MMAB: variants seen among roughly 807,000 people sequenced by gnomAD.
The protein encoded by MMAB is corrinoid adenosyltransferase MMAB.
MMAB carries 17 observed loss-of-function variants against 30.6 expected under a neutral mutation model. The observed-to-expected ratio is 0.56, with a 90% confidence interval of 0.38 to 0.83. The LOEUF (loss-of-function observed/expected upper bound fraction) is 0.83, where lower values mean the gene tolerates loss of function less well. MMAB is among the 40% of genes least tolerant of loss of function. The probability of loss-of-function intolerance (pLI) is 0.00; values close to 1 mark genes in which losing one functional copy is unlikely to be tolerated. For synonymous variants in MMAB, 134 were observed against 138.6 expected, an observed-to-expected ratio of 0.97 and a Z score of 0.23; for missense variants, 311 against 331.6, an observed-to-expected ratio of 0.94 and a Z score of 0.48.
At chr12:109,562,118 T>TA (rs759538842) in intron 4 of MMAB, among the ~76,000 whole-genome samples, 15 of 152,288 alleles carry the variant, frequency 9.8e-5, no homozygotes, top group South Asian at 8.3e-4. Context: ...TGTCTTGTGA[T>TA]AGAGTTCTCA....
chr12:109,554,193 A>C lies in MMAB; in HGVS notation c.*2835T>G. ...CCAGGACAACTTGGTTCCCCACCCAATGCCTCCTTCCAGGGCTGCTATGGG... is the reference window on the plus strand; with the variant it reads ...CCAGGACAACTTGGTTCCCCACCCACTGCCTCCTTCCAGGGCTGCTATGGG... On this transcript the variant is annotated 3_prime_UTR_variant, in exon 9 of 9. Transcript: ENST00000545712. The C allele has an allele frequency of 2.2e-6, 1 of 453,138 alleles. No individual in the cohort carries two copies. Among genetic ancestry groups the C allele is most frequent in the South Asian group, 1.6e-5 (1 of 64,466 alleles). The allele number at this position is 453,138 out of a possible 1,614,324, so 28.1% of individuals were successfully genotyped here. A position where few individuals can be genotyped will look rare whatever the true frequency, so the allele number is the denominator to read the frequency against.
chr12:109,568,565 G>A, intron 3 of MMAB: 2 of 639,460 alleles, frequency 3.1e-6, no homozygotes, highest in Non-Finnish European at 2.8e-6. Flanking sequence ...GGCCAGCGCA[G>A]GCACAGGCAG....
At position 109,558,891 on chromosome 12, in the gene MMAB, G is replaced by A. The variant is rs987120392; in HGVS notation, c.644+205C>T. Among the ~76,000 whole-genome samples, 12 of 152,122 alleles carry A rather than the reference G, an allele frequency of 7.9e-5. No homozygotes were observed. Among genetic ancestry groups the A allele is most frequent in the African/African-American group, 2.9e-4 (12 of 41,416 alleles). On this transcript the variant is annotated intron_variant, in intron 8 of 8. Coordinates refer to ENST00000545712, the MANE Select transcript of MMAB (RefSeq NM_052845.4). This position sits in a 1 kb window ranked among gnomAD's most constrained non-coding sequence, Gnocchi z 4.3. The stretch of plus-strand genomic sequence containing the variant: ...TAAGATCTAAATCTTATCGGGACAG[G>A]CACAGGGCCCACCTTGTTCACCACT...
rs749936057 is a variant in MMAB, at chr12:109,561,803, G to A, written c.398C>T (p.Ser133Phe). Reference protein sequence around the residue: ...DVGSALATPCSSAREAHLKYT... With the variant: ...DVGSALATPCFSAREAHLKYT... Reference sequence around the variant, plus strand: ...ACTTAAGTGAGCCTCCCGGGCCGAGGAGCATGGTGTCGCCAGGGCCGAGCC... The same window carrying A: ...ACTTAAGTGAGCCTCCCGGGCCGAGAAGCATGGTGTCGCCAGGGCCGAGCC... The change falls in exon 5 of 9, where the codon TCC (serine) becomes TTC (phenylalanine). Residue 133 changes from serine to phenylalanine, a missense_variant. Coordinates refer to ENST00000545712, the MANE Select transcript of MMAB (RefSeq NM_052845.4). This position sits in a 1 kb window ranked among gnomAD's most constrained non-coding sequence, Gnocchi z 5.3. 9.3e-6 allele frequency: 15 copies of A among 1,609,920 alleles called. No individual in the cohort carries two copies. Among genetic ancestry groups the A allele is most frequent in the Middle Eastern group, 3.3e-4 (2 of 6,078 alleles).
intron 4 of MMAB, among the ~76,000 whole-genome samples, chr12:109,562,091 C>A (rs1226395749): frequency 6.6e-6 from 1 of 152,110 alleles, no homozygotes; most frequent in Non-Finnish European, 1.5e-5. Flanking sequence ...AATGGTTTAG[C>A]CCCAGCCCCC....
At position 109,561,062 on chromosome 12, in the gene MMAB, C is replaced by T. The variant is rs768176676; in HGVS notation, c.562G>A (p.Val188Met). ...ISSALHFCRA[V>M]CRRAERRVVP... The stretch of plus-strand genomic sequence containing the variant: ...TACCGTCTCTCGGCCCGGCGGCACA[C>T]GGCCCGGCAGAAATGCAGCGCCGAG... The change falls in exon 7 of 9, where the codon GTG (valine) becomes ATG (methionine). Residue 188 changes from valine to methionine, a missense_variant. Val to Met is a conservative substitution (Grantham distance 21). Coordinates refer to ENST00000545712, the MANE Select transcript of MMAB (RefSeq NM_052845.4). This position sits in a 1 kb window ranked among gnomAD's most constrained non-coding sequence, Gnocchi z 5.3. 2.8e-5 allele frequency: 45 copies of T among 1,610,614 alleles called. No individual in the cohort carries two copies. The highest frequency in any genetic ancestry group is 1.1e-4 in the African/African-American group (8 of 74,816).
At position 109,554,101 on chromosome 12, in the gene MMAB, G is replaced by C. The variant is rs1259550194; in HGVS notation, c.*2927C>G. On this transcript the variant is annotated 3_prime_UTR_variant, in exon 9 of 9. Coordinates refer to ENST00000545712, the MANE Select transcript of MMAB (RefSeq NM_052845.4). ...ACGACTGTCAAGCGGCAGTGGGTGGGAGCTGAGGAGCACGGGGCTGTGAGT... is the reference window on the plus strand; with the variant it reads ...ACGACTGTCAAGCGGCAGTGGGTGGCAGCTGAGGAGCACGGGGCTGTGAGT... 1 of 454,136 alleles carries C rather than the reference G, an allele frequency of 2.2e-6. No individual in the cohort carries two copies. The highest frequency in any genetic ancestry group is 2.3e-5 in the Admixed American group (1 of 42,578). The allele number at this position is 454,136 out of a possible 1,614,324, so 28.1% of individuals were successfully genotyped here. A position where few individuals can be genotyped will look rare whatever the true frequency, so the allele number is the denominator to read the frequency against.
chr12:109,568,918 TG>T, intron 2 of MMAB, 55 bp from the exon 3 acceptor site: 9 of 1,255,010 alleles, frequency 7.2e-6, no homozygotes, highest in Non-Finnish European at 1.0e-5. Context: ...CCTGATATGC[TG>T]TTTTTTTTTT....
intron 1 of MMAB, 178 bp downstream of exon 1, chr12:109,573,169 C>A: frequency 1.3e-6 from 1 of 759,696 alleles, no homozygotes. Context: ...GGGACTTAGG[C>A]AAAGACTACC....
In MMAB at chr12:109,556,022, T is replaced by G. The variant is rs750911888; in HGVS notation, c.*1006A>C. 23 of 453,950 alleles carry G rather than the reference T, an allele frequency of 5.1e-5. 1 individual carries two copies. Among genetic ancestry groups the G allele is most frequent in the South Asian group, 3.6e-4 (23 of 64,482 alleles). The allele number at this position is 453,950 out of a possible 1,614,324, so 28.1% of individuals were successfully genotyped here. A position where few individuals can be genotyped will look rare whatever the true frequency, so the allele number is the denominator to read the frequency against. ...GCCCTTCCAAAGTCATTTCCTGCAATTAGCAGCCTGCAGTCTTTAGGTTCT... is the reference window on the plus strand; with the variant it reads ...GCCCTTCCAAAGTCATTTCCTGCAAGTAGCAGCCTGCAGTCTTTAGGTTCT... On this transcript the variant is annotated 3_prime_UTR_variant, in exon 9 of 9. Coordinates refer to ENST00000545712, the MANE Select transcript of MMAB (RefSeq NM_052845.4).
chr12:109,567,280 A>C, intron 3 of MMAB: 1 of 346,372 alleles, frequency 2.9e-6, no homozygotes, highest in Non-Finnish European at 5.7e-6. Context: ...CCACAAGAAC[A>C]GTGAGATGGG....
In MMAB at chr12:109,553,820, C is replaced by A. The variant is rs1359944588; in HGVS notation, c.*3208G>T. 1 of 452,764 alleles carries A rather than the reference C, an allele frequency of 2.2e-6. No individual in the cohort carries two copies. Among genetic ancestry groups the A allele is most frequent in the African/African-American group, 2.0e-5 (1 of 49,946 alleles). The allele number at this position is 452,764 out of a possible 1,614,324, so 28.0% of individuals were successfully genotyped here. On this transcript the variant is annotated 3_prime_UTR_variant, in exon 9 of 9. Coordinates refer to ENST00000545712, the MANE Select transcript of MMAB (RefSeq NM_052845.4). Reference sequence around the variant, plus strand: ...TTCAGTAGTGATCACTGGGACAGGGCGATCATAAAACTGAATGGGCTGTCG... The same window carrying A: ...TTCAGTAGTGATCACTGGGACAGGGAGATCATAAAACTGAATGGGCTGTCG...
Position 109,561,996 on chromosome 12 carries a change from C to T in MMAB, c.349-144G>A, listed in dbSNP as rs533783000. The T allele has an allele frequency of 5.6e-6, 4 of 716,536 alleles. No homozygotes were observed. Among genetic ancestry groups the T allele is most frequent in the African/African-American group, 5.2e-5 (3 of 57,352 alleles). The allele number at this position is 716,536 out of a possible 1,614,324, so 44.4% of individuals were successfully genotyped here. A position where few individuals can be genotyped will look rare whatever the true frequency, so the allele number is the denominator to read the frequency against. ...TGTGATATGGTTTGGCAATGTGTCCCCATCCAAATCTCATGTTAAATTGTG... is the reference window on the plus strand; with the variant it reads ...TGTGATATGGTTTGGCAATGTGTCCTCATCCAAATCTCATGTTAAATTGTG... On this transcript the variant is annotated intron_variant, in intron 4 of 8. Coordinates refer to ENST00000545712, the MANE Select transcript of MMAB (RefSeq NM_052845.4). The surrounding 1 kb of genome is among the most constrained non-coding windows in gnomAD (Gnocchi z 5.3).
intron 3 of MMAB, among the ~76,000 whole-genome samples, chr12:109,566,343 A>G (rs544341828): frequency 2.6e-5 from 4 of 152,340 alleles, no homozygotes; most frequent in South Asian, 2.1e-4. Flanking sequence ...GAAAGGGCCA[A>G]TGGAGAATAT....
In MMAB at chr12:109,555,952, A is replaced by G. The variant is rs1367950526; in HGVS notation, c.*1076T>C. 6 of 453,892 alleles carry G rather than the reference A, an allele frequency of 1.3e-5. No individual in the cohort carries two copies. Among genetic ancestry groups the G allele is most frequent in the Non-Finnish European group, 2.2e-5 (5 of 226,690 alleles). The allele number at this position is 453,892 out of a possible 1,614,324, so 28.1% of individuals were successfully genotyped here. ...CACTCAGTCAATATGTGATGGCTGA[A>G]TGGAGTTCGCCAGGCATTTCAGCCC... On this transcript the variant is annotated 3_prime_UTR_variant, in exon 9 of 9. Transcript: ENST00000545712.
chr12:109,555,285 T>TG lies in MMAB; in HGVS notation c.*1742_*1743insC. The TG allele has an allele frequency of 2.9e-6, 1 of 346,426 alleles. No individual in the cohort carries two copies. Among genetic ancestry groups the TG allele is most frequent in the African/African-American group, 3.1e-5 (1 of 32,190 alleles). The allele number at this position is 346,426 out of a possible 1,614,324, so 21.5% of individuals were successfully genotyped here. On this transcript the variant is annotated 3_prime_UTR_variant, in exon 9 of 9. Coordinates refer to ENST00000545712, the MANE Select transcript of MMAB (RefSeq NM_052845.4). The stretch of plus-strand genomic sequence containing the variant: ...GATTGCGTTTTCAGGGTTTTTTTTT[T>TG]TTTTTTTTTTTTTTTGTGACGGAGT...
In MMAB at chr12:109,556,015, C is replaced by T. The variant is rs1311497438; in HGVS notation, c.*1013G>A. On this transcript the variant is annotated 3_prime_UTR_variant, in exon 9 of 9. Coordinates refer to ENST00000545712, the MANE Select transcript of MMAB (RefSeq NM_052845.4). ...AGAGCCTGCCCTTCCAAAGTCATTT[C>T]CTGCAATTAGCAGCCTGCAGTCTTT... The T allele has an allele frequency of 2.2e-6, 1 of 454,078 alleles. No homozygotes were observed. The highest frequency in any genetic ancestry group is 2.3e-5 in the Admixed American group (1 of 42,564). The allele number at this position is 454,078 out of a possible 1,614,324, so 28.1% of individuals were successfully genotyped here.
chr12:109,571,619 C>A (rs373562832), intron 2 of MMAB, 30 bp downstream of exon 2: 13 of 1,598,478 alleles, frequency 8.1e-6, no homozygotes, highest in Non-Finnish European at 1.0e-5. Context: ...ATGAGTATTT[C>A]TTTGCATTTT....
intron 3 of MMAB, chr12:109,567,184 A>G (rs534011492): frequency 2.8e-5 from 11 of 393,692 alleles, no homozygotes; most frequent in African/African-American, 4.2e-5. Flanking sequence ...AAAAAAAAAA[A>G]AAGAAGAGTG....
Sources: gnomAD v4.1 joint callset for allele counts (sites outside exome capture counted in the v4.1 genomes callset) on GRCh38, gnomAD v4.1.1 for gene constraint, Gnocchi (gnomAD v3.1) non-coding constraint, MANE v1.5 for transcripts, NCBI Gene and HGNC (gene_info 2026-07-23, HGNC 2026-07-21) for gene names.